The following OSBPL6 variants were observed in gnomAD, a reference collection of about 807,000 sequenced individuals.
OSBPL6 encodes the protein oxysterol binding protein like 6.
OSBPL6 carries 49 observed loss-of-function variants against 125.8 expected under a neutral mutation model. The ratio of observed to expected loss-of-function variants is 0.39; its 90% CI spans 0.31 to 0.49. OSBPL6 has a LOEUF of 0.49. Ranked by LOEUF, OSBPL6 falls within the 20% of genes least tolerant of loss-of-function variation. OSBPL6 has a pLI of 0.88. For synonymous variants in OSBPL6, 394 were observed against 391.8 expected, an observed-to-expected ratio of 1.01 and a Z score of -0.07; for missense variants, 986 against 1,135.4, an observed-to-expected ratio of 0.87 and a Z score of 1.89.
chr2:178,260,752 C>T (rs532734166), intron 1 of OSBPL6, among the ~76,000 whole-genome samples: 2 of 152,224 alleles, frequency 1.3e-5, no homozygotes, highest in South Asian at 2.1e-4. Context: ...TAATATGTAT[C>T]GTTACTTCTT....
chr2:178,210,178 C>T (rs2089779156), intron 1 of OSBPL6, among the ~76,000 whole-genome samples: 1 of 144,118 alleles, frequency 6.9e-6, no homozygotes, highest in Non-Finnish European at 1.6e-5. Context: ...TGCCACCATG[C>T]CCAGCTAACT....
chr2:178,309,292 G>C (rs1395503704), intron 3 of OSBPL6, among the ~76,000 whole-genome samples: 1 of 151,956 alleles, frequency 6.6e-6, no homozygotes, highest in African/African-American at 2.4e-5. Flanking sequence ...CATCTGTATT[G>C]TGAGCTCTCG....
chr2:178,325,219 C>T (rs1250232687), intron 4 of OSBPL6, among the ~76,000 whole-genome samples: 1 of 152,204 alleles, frequency 6.6e-6, no homozygotes. Flanking sequence ...TGCATACAGA[C>T]TTTGAATTCC....
chr2:178,361,666 T>G lies in OSBPL6; in HGVS notation c.1154-16T>G, dbSNP rs761493778. On this transcript the variant is annotated splice_polypyrimidine_tract_variant and intron_variant, in intron 12 of 24. Transcript: ENST00000190611. ...CACATATCTGACAGTTTTTTCTCAC[T>G]TTTCTCCCCACCCAGTGCATTCTCT... 5.0e-6 allele frequency: 8 copies of G among 1,612,812 alleles called. No homozygotes were observed. Among genetic ancestry groups the G allele is most frequent in the Middle Eastern group, 1.7e-4 (1 of 6,048 alleles).
At chr2:178,245,695 T>C (rs964400994) in intron 1 of OSBPL6, among the ~76,000 whole-genome samples, 1 of 152,166 alleles carries the variant, frequency 6.6e-6, no homozygotes, top group African/African-American at 2.4e-5. Context: ...TGTCATCTGA[T>C]CCTCACAACA....
intron 1 of OSBPL6, among the ~76,000 whole-genome samples, chr2:178,278,704 C>G (rs2092518992): frequency 6.6e-6 from 1 of 152,144 alleles, no homozygotes; most frequent in African/African-American, 2.4e-5. Context: ...GATTGTGGCA[C>G]TTAAACTATA....
chr2:178,286,218 C>T (rs193137136), intron 2 of OSBPL6, among the ~76,000 whole-genome samples: 2 of 152,164 alleles, frequency 1.3e-5, no homozygotes, highest in East Asian at 3.8e-4. Context: ...TATCTGGTTT[C>T]TCTTGGAAGA....
chr2:178,390,696 A>C (rs1419888354), intron 21 of OSBPL6, among the ~76,000 whole-genome samples: 1 of 152,224 alleles, frequency 6.6e-6, no homozygotes, highest in East Asian at 1.9e-4. Flanking sequence ...TATAGATACT[A>C]TGAAAATTAT....
intron 1 of OSBPL6, among the ~76,000 whole-genome samples, chr2:178,253,841 T>G (rs1421768047): frequency 3.3e-5 from 5 of 152,142 alleles, no homozygotes; most frequent in African/African-American, 1.2e-4. Flanking sequence ...TGTGGCAGTA[T>G]GGAGAGGTGG....
At chr2:178,218,633 C>CTTTTT (rs10699137) in intron 1 of OSBPL6, among the ~76,000 whole-genome samples, 4 of 137,382 alleles carry the variant, frequency 2.9e-5, no homozygotes, top group Admixed American at 7.3e-5. Context: ...TTCTTTCTTT[C>CTTTTT]TTTTTTTTTT....
chr2:178,240,164 A>T (rs2153988472), intron 1 of OSBPL6, among the ~76,000 whole-genome samples: 1 of 152,296 alleles, frequency 6.6e-6, no homozygotes. Context: ...TTTAACGGGT[A>T]CATAGTTTTA....
At chr2:178,278,277 T>C (rs1193474766) in intron 1 of OSBPL6, among the ~76,000 whole-genome samples, 1 of 152,240 alleles carries the variant, frequency 6.6e-6, no homozygotes, top group Non-Finnish European at 1.5e-5. Context: ...TTTGCTTTTG[T>C]AACTTAAAAA....
chr2:178,257,484 T>C (rs2091922877), intron 1 of OSBPL6, among the ~76,000 whole-genome samples: 1 of 152,216 alleles, frequency 6.6e-6, no homozygotes, highest in South Asian at 2.1e-4. Context: ...GTGAATAAAC[T>C]TTTTCTGTCG....
chr2:178,193,818 T>A (rs571064217), upstream of OSBPL6, among the ~76,000 whole-genome samples: 3 of 152,278 alleles, frequency 2.0e-5, no homozygotes, highest in East Asian at 5.8e-4. Context: ...CTGACTTTGA[T>A]CGGCTTTGCC....
At chr2:178,262,538 GTTTA>G (rs1385550703) in intron 1 of OSBPL6, among the ~76,000 whole-genome samples, 20 of 152,070 alleles carry the variant, frequency 1.3e-4, no homozygotes, top group African/African-American at 2.4e-5. Context: ...GTGTCATTGT[GTTTA>G]TTTAAGCTTA....
chr2:178,368,315 G>A (rs1319433786), intron 13 of OSBPL6, among the ~76,000 whole-genome samples: 2 of 152,090 alleles, frequency 1.3e-5, no homozygotes, highest in Admixed American at 6.5e-5. Context: ...CTCAGTTGCC[G>A]GCTTACACTT....
chr2:178,294,927 G>T, intron 2 of OSBPL6, among the ~76,000 whole-genome samples: 1 of 149,562 alleles, frequency 6.7e-6, no homozygotes, highest in South Asian at 2.1e-4. Context: ...AATTTTCGAG[G>T]TCTTTTTTTC....
At chr2:178,285,174 C>T (rs895990689) in intron 2 of OSBPL6, 53 bp downstream of exon 2, 6 of 397,200 alleles carry the variant, frequency 1.5e-5, no homozygotes, top group Admixed American at 8.8e-5. Context: ...GGTTAGGCAG[C>T]GCTTAATAAT....
intron 4 of OSBPL6, among the ~76,000 whole-genome samples, chr2:178,325,475 A>G (rs1688618067): frequency 6.6e-6 from 1 of 152,208 alleles, no homozygotes; most frequent in African/African-American, 2.4e-5. Flanking sequence ...TAAACTATAA[A>G]ACATAAGTGG....
Sources: allele counts gnomAD v4.1 joint callset (sites outside exome capture counted in the v4.1 genomes callset), GRCh38; gene constraint gnomAD v4.1.1; transcripts MANE v1.5; gene names NCBI Gene and HGNC (gene_info 2026-07-23, HGNC 2026-07-21).